The following PTPRN2 variants were observed in gnomAD, a reference collection of about 807,000 sequenced individuals.
The protein encoded by PTPRN2 is protein tyrosine phosphatase receptor type N2.
In PTPRN2, 74 loss-of-function variants were observed where a neutral mutation model predicts 118.8. The ratio of observed to expected loss-of-function variants is 0.62; its 90% CI spans 0.52 to 0.76. PTPRN2 has a LOEUF of 0.76. Ranked by LOEUF, PTPRN2 falls within the 30% of genes least tolerant of loss-of-function variation. The pLI, the probability that PTPRN2 is intolerant of heterozygous loss-of-function variation, is 0.00. For synonymous variants in PTPRN2, 641 were observed against 608.0 expected (o/e 1.05, Z -0.80); for missense variants, 1,481 against 1,394.4 (o/e 1.06, Z -0.99).
In PTPRN2 at chr7:158,563,171, A is replaced by G. The variant is rs940555896; in HGVS notation, c.112+24387T>C. Among the ~76,000 whole-genome samples the G allele has an allele frequency of 6.6e-6, 1 of 152,162 alleles. No homozygotes were observed. The highest frequency in any genetic ancestry group is 2.4e-5 in the African/African-American group (1 of 41,440). On this transcript the variant is annotated intron_variant, in intron 1 of 22. Transcript: ENST00000389418. The surrounding 1 kb of genome is among the most constrained non-coding windows in gnomAD (Gnocchi z 5.1). ...AGAGAGGTCCTACCTGAAACCTCACAGGGAAATTTGTGCCTTCTCCCAAGG... is the reference window on the plus strand; with the variant it reads ...AGAGAGGTCCTACCTGAAACCTCACGGGGAAATTTGTGCCTTCTCCCAAGG...
chr7:157,565,579 G>T (rs1799446716), intron 21 of PTPRN2, among the ~76,000 whole-genome samples: 1 of 152,222 alleles, frequency 6.6e-6, no homozygotes, highest in Non-Finnish European at 1.5e-5. Flanking sequence ...TTTCTGTGCT[G>T]GCCCCTGGGG....
At chr7:157,634,890 T>C (rs1476994013) in intron 14 of PTPRN2, among the ~76,000 whole-genome samples, 20 of 152,224 alleles carry the variant, frequency 1.3e-4, no homozygotes, top group Admixed American at 1.3e-3. Flanking sequence ...ACCTGCCTGT[T>C]GTCCTTGGAC....
chr7:158,270,804 CCTCACCT>C (rs1798319864), intron 3 of PTPRN2, among the ~76,000 whole-genome samples: 17 of 21,484 alleles, frequency 7.9e-4, no homozygotes, highest in South Asian at 1.6e-3. Context: ...TGGACCACCC[CCTCACCT>C]GGACCGCCCC....
chr7:157,708,087 C>A (rs537121700), intron 12 of PTPRN2, among the ~76,000 whole-genome samples: 1 of 152,366 alleles, frequency 6.6e-6, no homozygotes, highest in East Asian at 1.9e-4. Context: ...GGCTGCTCTG[C>A]AAGGAAGGGT....
rs6950244 is a variant in PTPRN2, at chr7:158,345,589, G to A, written c.164-28657C>T. ...GGGCCAAAGCTGGTGTGGCAGCAGT[G>A]GTCACCCAGAGCTTTCCAATGCCGT... On this transcript the variant is annotated intron_variant, in intron 2 of 22. Transcript: ENST00000389418. Among the ~76,000 whole-genome samples the A allele has an allele frequency of 3.9e-3, 589 of 152,274 alleles. 5 individuals carry two copies. The highest frequency in any genetic ancestry group is 0.013 in the African/African-American group (547 of 41,546).
chr7:157,777,895 G>T (rs1803428523), intron 12 of PTPRN2, among the ~76,000 whole-genome samples: 2 of 150,590 alleles, frequency 1.3e-5, no homozygotes, highest in African/African-American at 4.9e-5. Context: ...CACTGCTGAG[G>T]AAAATGGTTT....
rs1164142945 is a variant in PTPRN2, at chr7:157,611,762, C to T, written c.2345-7687G>A. Among the ~76,000 whole-genome samples, 3 of 148,690 alleles carry T rather than the reference C, an allele frequency of 2.0e-5. No homozygotes were observed. Among genetic ancestry groups the T allele is most frequent in the Non-Finnish European group, 3.0e-5 (2 of 67,196 alleles). On this transcript the variant is annotated intron_variant, in intron 15 of 22. Coordinates refer to ENST00000389418, the MANE Select transcript of PTPRN2 (RefSeq NM_002847.5). The surrounding 1 kb of genome is among the most constrained non-coding windows in gnomAD (Gnocchi z 5.9). Reference sequence around the variant, plus strand: ...CGGAGGGAGCGCGCCCGTGTGAAGACGAAGACAGCCGCAGTCATGCTGGGG... The same window carrying T: ...CGGAGGGAGCGCGCCCGTGTGAAGATGAAGACAGCCGCAGTCATGCTGGGG...
intron 4 of PTPRN2, among the ~76,000 whole-genome samples, chr7:158,202,414 G>A (rs963096194): frequency 6.6e-6 from 1 of 152,130 alleles, no homozygotes; most frequent in African/African-American, 2.4e-5. Context: ...GGGTCAGCAG[G>A]AGGGACAGCA....
At chr7:158,370,752 CAA>C (rs200454961) in intron 2 of PTPRN2, among the ~76,000 whole-genome samples, 1 of 151,744 alleles carries the variant, frequency 6.6e-6, no homozygotes, top group African/African-American at 2.4e-5. Flanking sequence ...ACTCCTGTCT[CAA>C]AAAAATTTTT....
At chr7:158,077,201 G>T (rs1585360117) in intron 11 of PTPRN2, among the ~76,000 whole-genome samples, 3 of 152,168 alleles carry the variant, frequency 2.0e-5, no homozygotes, top group African/African-American at 7.2e-5. Flanking sequence ...AGGCTCACAA[G>T]AGAGGAGGGG....
intron 21 of PTPRN2, among the ~76,000 whole-genome samples, chr7:157,557,552 C>CCACA (rs56360906): frequency 0.39 from 58,925 of 149,464 alleles, 12,111 homozygotes; most frequent in Middle Eastern, 0.55. Flanking sequence ...ACACACACTC[C>CCACA]CACACACACA....
intron 14 of PTPRN2, among the ~76,000 whole-genome samples, chr7:157,655,161 G>C (rs150061673): frequency 2.0e-5 from 3 of 152,314 alleles, no homozygotes; most frequent in African/African-American, 4.8e-5. Flanking sequence ...GGAGTGATGG[G>C]AAAAAATGTG....
chr7:157,862,806 T>TGCGCGGGAAGCGGCGAG (rs1810339298), intron 12 of PTPRN2: 1 of 152,508 alleles, frequency 6.6e-6, no homozygotes, highest in African/African-American at 2.4e-5. Context: ...AGCCTGGTGG[T>TGCGCGGGAAGCGGCGAG]GTGCGGGAAG....
intron 2 of PTPRN2, among the ~76,000 whole-genome samples, chr7:158,341,537 A>T (rs1338148693): frequency 2.4e-4 from 13 of 54,678 alleles, no homozygotes; most frequent in African/African-American, 4.6e-4. Context: ...TCACCATAAG[A>T]GGTGACATCT....
At chr7:158,070,960 AGGTGCTCACGGTGGAGGTGCCCGTGGTGG>A (rs1811345568) in intron 11 of PTPRN2, among the ~76,000 whole-genome samples, 1 of 85,420 alleles carries the variant, frequency 1.2e-5, no homozygotes, top group Non-Finnish European at 2.2e-5. Flanking sequence ...GTGGTGGTGG[AGGTGCTCACGGTGGAGGTGCCCGTGGTGG>A]TGGAGGTGCT....
chr7:157,961,886 G>A (rs945567557), intron 11 of PTPRN2, among the ~76,000 whole-genome samples: 3 of 152,172 alleles, frequency 2.0e-5, no homozygotes, highest in African/African-American at 7.2e-5. Context: ...GTCACAGTGA[G>A]CCCAGGAGAC....
chr7:158,337,350 CTGCAGA>C, intron 2 of PTPRN2, among the ~76,000 whole-genome samples: 1 of 85,394 alleles, frequency 1.2e-5, no homozygotes, highest in East Asian at 3.6e-4. Flanking sequence ...GAGGTGACAC[CTGCAGA>C]CGTCCCTCAC....
At chr7:157,721,340 C>T (rs981126765) in intron 12 of PTPRN2, among the ~76,000 whole-genome samples, 4 of 152,230 alleles carry the variant, frequency 2.6e-5, no homozygotes, top group African/African-American at 9.6e-5. Flanking sequence ...CATCCACATC[C>T]CTTCATGTGC....
intron 3 of PTPRN2, among the ~76,000 whole-genome samples, chr7:158,277,106 C>T (rs919129465): frequency 1.3e-5 from 2 of 152,174 alleles, no homozygotes; most frequent in Non-Finnish European, 1.5e-5. Flanking sequence ...CTCTCACACA[C>T]GTGCACACAC....
Sources: gnomAD v4.1 joint callset for allele counts (sites outside exome capture counted in the v4.1 genomes callset) on GRCh38, gnomAD v4.1.1 for gene constraint, Gnocchi (gnomAD v3.1) non-coding constraint, MANE v1.5 for transcripts, NCBI Gene and HGNC (gene_info 2026-07-23, HGNC 2026-07-21) for gene names.